The following MXRA7 variants were observed in gnomAD, a reference collection of about 807,000 sequenced individuals.
The protein encoded by MXRA7 is matrix remodeling associated 7.
A neutral mutation model predicts 17.4 loss-of-function variants in MXRA7; 18 were observed. The observed-to-expected ratio is 1.03, with a 90% CI of 0.71 to 1.53. The LOEUF is 1.53. Ranked by LOEUF, MXRA7 falls within the 40% of genes most tolerant of loss-of-function variation. The pLI is 0.00. For missense variants in MXRA7, 141 were observed against 209.3 expected (o/e 0.67, Z 2.01); for synonymous variants, 70 against 101.7 (o/e 0.69, Z 1.87).
intron 1 of MXRA7, among the ~76,000 whole-genome samples, chr17:76,701,382 G>T (rs542341525): frequency 6.6e-6 from 1 of 152,062 alleles, no homozygotes; most frequent in Admixed American, 6.5e-5. Flanking sequence ...GGGATGAGAT[G>T]AGGAATGCCG....
At chr17:76,692,791 C>T (rs868202865) in intron 1 of MXRA7, among the ~76,000 whole-genome samples, 1 of 152,138 alleles carries the variant, frequency 6.6e-6, no homozygotes. Context: ...TCTTACAGTA[C>T]CCCCTCTAGT....
At chr17:76,678,713 C>T (rs2076260878), downstream of MXRA7, among the ~76,000 whole-genome samples, 1 of 152,186 alleles carries the variant, frequency 6.6e-6, no homozygotes, top group African/African-American at 2.4e-5. Flanking sequence ...AACCGCAGGA[C>T]CTCAGCATAG....
At position 76,692,928 on chromosome 17, in the gene MXRA7, G is replaced by A. The variant is rs559455757; in HGVS notation, c.343-4752C>T. Among the ~76,000 whole-genome samples, 53 of 152,186 alleles carry A rather than the reference G, an allele frequency of 3.5e-4. No individual in the cohort carries two copies. The South Asian group carries it at 8.5e-3, about 24-fold the overall frequency. The stretch of plus-strand genomic sequence containing the variant: ...CCAAAGAACTGGATTTTGTGCACAC[G>A]TGACCTCAAGGGAGGTCAATTCAGC... On this transcript the variant is annotated intron_variant, in intron 1 of 3. Transcript: ENST00000449428.
In MXRA7 at chr17:76,679,624, C is replaced by G. The variant is rs886992865; in HGVS notation, c.*1243G>C. On this transcript the variant is annotated 3_prime_UTR_variant, in exon 4 of 4. Transcript: ENST00000449428. ...TGAACAAAGGCTGAATACAGAGATC[C>G]AAGCCATGAGGAGTACATGAGGTGT... is the stretch of plus-strand genomic sequence containing the variant. The G allele has an allele frequency of 5.1e-5, 50 of 971,084 alleles. No individual in the cohort carries two copies. Among genetic ancestry groups the G allele is most frequent in the African/African-American group, 5.3e-5 (3 of 56,962 alleles). The allele number at this position is 971,084 out of a possible 1,614,324, so 60.2% of individuals were successfully genotyped here. A position where few individuals can be genotyped will look rare whatever the true frequency, so the allele number is the denominator to read the frequency against.
Position 76,690,883 on chromosome 17 carries a change from G to A in MXRA7, c.343-2707C>T, listed in dbSNP as rs77045120. On this transcript the variant is annotated intron_variant, in intron 1 of 3. Coordinates refer to ENST00000449428, the MANE Select transcript of MXRA7 (RefSeq NM_198530.4). ...CCACCATGCCCAGCCCTGACACTGAGCTCCTAAGTCCCTTGAATTTCCTAA... is the reference window on the plus strand; with the variant it reads ...CCACCATGCCCAGCCCTGACACTGAACTCCTAAGTCCCTTGAATTTCCTAA... 5.3e-3 allele frequency among the ~76,000 whole-genome samples: 800 copies of A among 152,134 alleles called. 11 individuals are homozygous for A. Among genetic ancestry groups the A allele is most frequent in the African/African-American group, 0.019 (770 of 41,530 alleles).
At chr17:76,692,472 C>T (rs7206987) in intron 1 of MXRA7, among the ~76,000 whole-genome samples, 2,473 of 151,948 alleles carry the variant, frequency 0.016, 80 homozygotes, top group African/African-American at 0.057. Flanking sequence ...AGGCTGGTCT[C>T]GAACTCCCGA....
At chr17:76,698,677 G>A (rs967333056) in intron 1 of MXRA7, among the ~76,000 whole-genome samples, 1 of 150,406 alleles carries the variant, frequency 6.6e-6, no homozygotes, top group Non-Finnish European at 1.5e-5. Context: ...ACATGGCCTG[G>A]GAATGTTGAT....
At chr17:76,695,470 G>T (rs1325778617) in intron 1 of MXRA7, among the ~76,000 whole-genome samples, 1 of 152,068 alleles carries the variant, frequency 6.6e-6, no homozygotes, top group Non-Finnish European at 1.5e-5. Flanking sequence ...TGGCACTAAG[G>T]ATTTTACCTT....
At chr17:76,704,519 T>C (rs1368049878) in intron 1 of MXRA7, among the ~76,000 whole-genome samples, 10 of 150,082 alleles carry the variant, frequency 6.7e-5, no homozygotes, top group Non-Finnish European at 1.2e-4. Context: ...TTTTTTTTTT[T>C]CATGCCTGTA....
downstream of MXRA7, among the ~76,000 whole-genome samples, chr17:76,678,144 A>G (rs2076256574): frequency 1.3e-5 from 2 of 152,330 alleles, no homozygotes; most frequent in Middle Eastern, 6.8e-3. Flanking sequence ...AGAAAGAAAA[A>G]ACATTATCAG....
intron 1 of MXRA7, among the ~76,000 whole-genome samples, chr17:76,702,621 G>T (rs1056212682): frequency 2.0e-5 from 3 of 152,102 alleles, no homozygotes; most frequent in African/African-American, 7.2e-5. Context: ...AGGCCAAGGC[G>T]AATGCATTGC....
chr17:76,672,668 C>G (rs1368161938), exon 4 of MXRA7: 1 of 151,532 alleles, frequency 6.6e-6, no homozygotes, highest in African/African-American at 2.4e-5. Flanking sequence ...TACATCCGGG[C>G]TGGTACTACA....
Position 76,703,996 on chromosome 17 carries a change from G to C in MXRA7, c.342+6609C>G, listed in dbSNP as rs554408600. Among the ~76,000 whole-genome samples the C allele has an allele frequency of 2.0e-5, 3 of 150,570 alleles. No homozygotes were observed. In the South Asian group the frequency reaches 6.3e-4, roughly 32 times the overall value. Reference sequence around the variant, plus strand: ...CACCTGTAATCCCAGCTACTCAGGAGGCTGAGGCAAGCAGAAGAATCACTT... The same window carrying C: ...CACCTGTAATCCCAGCTACTCAGGACGCTGAGGCAAGCAGAAGAATCACTT... On this transcript the variant is annotated intron_variant, in intron 1 of 3. Coordinates refer to ENST00000449428, the MANE Select transcript of MXRA7 (RefSeq NM_198530.4).
intron 1 of MXRA7, among the ~76,000 whole-genome samples, chr17:76,702,232 C>T (rs2076598795): frequency 6.6e-6 from 1 of 152,164 alleles, no homozygotes; most frequent in South Asian, 2.1e-4. Context: ...AAGGGCTGGG[C>T]ACAGCAATTC....
intron 1 of MXRA7, among the ~76,000 whole-genome samples, chr17:76,698,312 C>T (rs541770754): frequency 6.6e-6 from 1 of 152,260 alleles, no homozygotes; most frequent in Admixed American, 6.5e-5. Flanking sequence ...TGCTCTCACT[C>T]CTTCCAGAAG....
intron 1 of MXRA7, among the ~76,000 whole-genome samples, chr17:76,701,914 G>C (rs761272050): frequency 6.6e-6 from 1 of 152,098 alleles, no homozygotes; most frequent in Non-Finnish European, 1.5e-5. Context: ...AACAGTTTCT[G>C]GCAAGTTCCT....
At chr17:76,685,698 A>C (rs1243134350) in intron 2 of MXRA7, among the ~76,000 whole-genome samples, 1 of 152,240 alleles carries the variant, frequency 6.6e-6, no homozygotes, top group East Asian at 1.9e-4. Context: ...CCGATTTGCC[A>C]GTCCCCGAGG....
intron 1 of MXRA7, among the ~76,000 whole-genome samples, chr17:76,694,021 G>A (rs1441068574): frequency 6.6e-6 from 1 of 152,160 alleles, no homozygotes; most frequent in Non-Finnish European, 1.5e-5. Flanking sequence ...TGTTCTTTTG[G>A]AAGTTGTCCC....
chr17:76,705,816 C>A (rs537077187), intron 1 of MXRA7, among the ~76,000 whole-genome samples: 18 of 152,352 alleles, frequency 1.2e-4, no homozygotes, highest in African/African-American at 4.3e-4. Flanking sequence ...GGAAATAATG[C>A]CTGTTGTTTA....
Sources: allele counts gnomAD v4.1 joint callset (sites outside exome capture counted in the v4.1 genomes callset), GRCh38; gene constraint gnomAD v4.1.1; transcripts MANE v1.5; gene names NCBI Gene and HGNC (gene_info 2026-07-23, HGNC 2026-07-21).